Variants in LIFR observed in about 807,000 individuals in gnomAD.
The protein encoded by LIFR is leukemia inhibitory factor receptor.
LIFR carries 84 observed loss-of-function variants against 122.2 expected under a neutral mutation model. The observed-to-expected ratio is 0.69, with a 90% CI of 0.58 to 0.82. The LOEUF is 0.82. LIFR is among the 40% of genes least tolerant of loss of function. The probability of loss-of-function intolerance (pLI) is 0.00; values close to 1 mark genes in which losing one functional copy is unlikely to be tolerated. For synonymous variants in LIFR, 422 were observed against 434.7 expected (o/e 0.97, Z 0.36); for missense variants, 1,294 against 1,311.6 (o/e 0.99, Z 0.21).
At chr5:38,524,713 A>C (rs1156860071) in intron 4 of LIFR, among the ~76,000 whole-genome samples, 1 of 152,162 alleles carries the variant, frequency 6.6e-6, no homozygotes, top group African/African-American at 2.4e-5. Context: ...ATGCAGACTT[A>C]AAAGGAACTG....
chr5:38,598,863 C>T (rs1288527979), upstream of LIFR, among the ~76,000 whole-genome samples: 2 of 152,206 alleles, frequency 1.3e-5, no homozygotes, highest in African/African-American at 4.8e-5. Context: ...AGCACAATGC[C>T]TGGTGCATAC....
At chr5:38,551,176 C>T (rs777286619) in intron 1 of LIFR, among the ~76,000 whole-genome samples, 9 of 152,174 alleles carry the variant, frequency 5.9e-5, no homozygotes, top group Admixed American at 4.6e-4. Flanking sequence ...GTCTTGCCTC[C>T]TTCACCTTTG....
upstream of LIFR, among the ~76,000 whole-genome samples, chr5:38,599,640 A>G (rs1451456740): frequency 1.3e-5 from 2 of 152,162 alleles, no homozygotes; most frequent in South Asian, 4.1e-4. Flanking sequence ...ATTTTCAGTT[A>G]CTTTTTTAAT....
At chr5:38,533,376 T>C (rs1198015430) in intron 1 of LIFR, among the ~76,000 whole-genome samples, 4 of 152,190 alleles carry the variant, frequency 2.6e-5, no homozygotes, top group African/African-American at 7.2e-5. Context: ...CTGACTTCAA[T>C]CTTAGACCAT....
intron 2 of LIFR, among the ~76,000 whole-genome samples, chr5:38,605,651 A>G (rs568898810): frequency 1.0e-3 from 159 of 152,308 alleles, no homozygotes; most frequent in African/African-American, 3.6e-3. Context: ...GCTAAGATAA[A>G]AAAAGCTACA....
At chr5:38,521,571 T>C (rs559436245) in intron 5 of LIFR, among the ~76,000 whole-genome samples, 1 of 152,284 alleles carries the variant, frequency 6.6e-6, no homozygotes, top group Non-Finnish European at 1.5e-5. Context: ...CCATTGTTAG[T>C]GGGTCCAAGG....
chr5:38,527,224 T>C lies in LIFR; in HGVS notation c.328A>G (p.Ile110Val), dbSNP rs74988893. ...AAATCATGTAGAGAATTTATTGTTA[T>C]TTCATAATCACCATGTGAAAGAGCT... ...IPALSHGDYE[I>V]TINSLHDFGS... The change falls in exon 4 of 20, where the codon ATA becomes GTA. Residue 110 changes from isoleucine (I) to valine (V), a missense_variant. Coordinates refer to ENST00000453190, the MANE Select transcript of LIFR (RefSeq NM_001127671.2). The C allele has an allele frequency of 1.8e-4, 287 of 1,593,588 alleles. No individual in the cohort carries two copies. The highest frequency in any genetic ancestry group is 2.4e-4 in the Non-Finnish European group (275 of 1,161,946).
intron 2 of LIFR, among the ~76,000 whole-genome samples, chr5:38,602,035 T>C (rs944889232): frequency 6.6e-6 from 1 of 152,212 alleles, no homozygotes; most frequent in African/African-American, 2.4e-5. Context: ...TCTGTCAATT[T>C]ATTCACACTT....
intron 1 of LIFR, among the ~76,000 whole-genome samples, chr5:38,564,735 TACACACACAC>T (rs3047301): frequency 0.044 from 6,014 of 137,422 alleles, 332 homozygotes; most frequent in East Asian, 0.2. Context: ...ACACACACAC[TACACACACAC>T]ACACACACAC....
In LIFR at chr5:38,511,914, A is replaced by G; in HGVS notation, c.612T>C (p.Ser204=). The G allele has an allele frequency of 6.2e-7, 1 of 1,614,052 alleles. No individual in the cohort carries two copies. The change falls in exon 6 of 20, where the codon AGT becomes AGC. Residue 204 remains serine (S), a synonymous_variant. Coordinates refer to ENST00000453190, the MANE Select transcript of LIFR (RefSeq NM_001127671.2). ...LNGKDTLHHW[S]WASDMPLECA... ...ATTCCAAGGGCATATCTGAGGCCCA[A>G]CTCCAGTGATGAAGTGTATCTTTGC...
intron 9 of LIFR, among the ~76,000 whole-genome samples, chr5:38,504,379 A>G (rs1326194706): frequency 1.3e-5 from 2 of 150,078 alleles, no homozygotes; most frequent in Non-Finnish European, 3.0e-5. Flanking sequence ...CACAGTATCT[A>G]CCTTTAAGGA....
intron 14 of LIFR, among the ~76,000 whole-genome samples, chr5:38,492,129 C>CA (rs1744626437): frequency 6.6e-6 from 1 of 152,156 alleles, no homozygotes; most frequent in Non-Finnish European, 1.5e-5. Context: ...ACAATATTCC[C>CA]AGCCTCTTGA....
intron 14 of LIFR, among the ~76,000 whole-genome samples, chr5:38,493,405 A>C (rs1441005052): frequency 6.6e-6 from 1 of 152,190 alleles, no homozygotes; most frequent in African/African-American, 2.4e-5. Context: ...ATTATTTCTA[A>C]GAATAAATTT....
At chr5:38,487,959 C>A (rs1744379408) in intron 16 of LIFR, among the ~76,000 whole-genome samples, 1 of 152,190 alleles carries the variant, frequency 6.6e-6, no homozygotes, top group African/African-American at 2.4e-5. Flanking sequence ...CCACTTCCAC[C>A]CACAAATTTC....
At chr5:38,560,602 GTT>G (rs539078770), upstream of LIFR, among the ~76,000 whole-genome samples, 3 of 139,406 alleles carry the variant, frequency 2.2e-5, no homozygotes, top group African/African-American at 5.2e-5. Context: ...TTTGTTTTTT[GTT>G]TTTTTTTTTT....
chr5:38,588,745 G>T (rs1012907314), intron 1 of LIFR, among the ~76,000 whole-genome samples: 13 of 152,134 alleles, frequency 8.5e-5, no homozygotes, highest in Non-Finnish European at 1.6e-4. Context: ...GCTCAGGAAA[G>T]AAATGACCCC....
chr5:38,535,055 G>T (rs1464663966), intron 1 of LIFR, among the ~76,000 whole-genome samples: 1 of 152,146 alleles, frequency 6.6e-6, no homozygotes, highest in Non-Finnish European at 1.5e-5. Flanking sequence ...GGAAGCTACT[G>T]CAGGACATGA....
At chr5:38,535,516 AT>A (rs1383482378) in intron 1 of LIFR, among the ~76,000 whole-genome samples, 1 of 152,178 alleles carries the variant, frequency 6.6e-6, no homozygotes, top group Admixed American at 6.5e-5. Context: ...TCCCATGACA[AT>A]GTTAGAGCTG....
chr5:38,521,604 G>A (rs1746402595), intron 5 of LIFR, among the ~76,000 whole-genome samples: 1 of 152,214 alleles, frequency 6.6e-6, no homozygotes. Context: ...GAGCGTCCAG[G>A]TGGCTTGCTT....
Sources: gnomAD v4.1 joint callset for allele counts (sites outside exome capture counted in the v4.1 genomes callset) on GRCh38, gnomAD v4.1.1 for gene constraint, MANE v1.5 for transcripts, NCBI Gene and HGNC (gene_info 2026-07-23, HGNC 2026-07-21) for gene names.